HECTD2: variants seen among roughly 807,000 people sequenced by gnomAD.
The protein encoded by HECTD2 is probable E3 ubiquitin-protein ligase HECTD2.
Under a neutral mutation model 103.2 loss-of-function variants are expected in HECTD2, and 35 were observed. The ratio of observed to expected loss-of-function variants is 0.34; its 90% confidence interval spans 0.26 to 0.45. The LOEUF is 0.45. HECTD2 is among the 20% of genes least tolerant of loss of function. The pLI is 1.00. For missense variants in HECTD2, 596 were observed against 937.4 expected (o/e 0.64, Z 4.76); for synonymous variants, 281 against 329.9 (o/e 0.85, Z 1.61).
chr10:91,419,389 A>G (rs552900369), intron 1 of HECTD2, among the ~76,000 whole-genome samples: 9 of 152,090 alleles, frequency 5.9e-5, no homozygotes, highest in Non-Finnish European at 1.2e-4. Context: ...ATATTTAACT[A>G]TATGTTAATA....
chr10:91,464,277 A>G (rs1845453910), intron 5 of HECTD2, among the ~76,000 whole-genome samples: 1 of 152,236 alleles, frequency 6.6e-6, no homozygotes, highest in Non-Finnish European at 1.5e-5. Flanking sequence ...GAGCTGGCCA[A>G]GGATTGGTAA....
intron 20 of HECTD2, among the ~76,000 whole-genome samples, chr10:91,510,375 A>G (rs543091387): frequency 7.2e-5 from 11 of 152,348 alleles, no homozygotes; most frequent in Middle Eastern, 6.8e-3. Flanking sequence ...CTTAAAAGAT[A>G]TACATAATTT....
rs1845338804 is a variant in HECTD2, at chr10:91,461,295, C to A, written c.449C>A (p.Ala150Glu). 1 of 1,554,606 alleles carries A rather than the reference C, an allele frequency of 6.4e-7. No homozygotes were observed. Among genetic ancestry groups the A allele is most frequent in the South Asian group, 1.2e-5 (1 of 82,676 alleles). ...EKVKSSGDWK[A>E]VHDFYLTTFD... ...GTTAAGTCATCAGGAGATTGGAAAG[C>A]AGTACATGATTTTTATCTAACAACG... The change falls in exon 4 of 21, where the codon GCA becomes GAA. Residue 150 changes from alanine to glutamate, a missense_variant. Ala to Glu is a moderately radical substitution (Grantham distance 107, BLOSUM62 -1). Around this residue, in one of 4 missense-constraint regions of HECTD2, gnomAD observed 220 missense variants for 233.9 expected, o/e 0.94. Coordinates refer to ENST00000298068, the MANE Select transcript of HECTD2 (RefSeq NM_182765.6).
At chr10:91,455,427 T>C (rs1425643670) in intron 2 of HECTD2, among the ~76,000 whole-genome samples, 5 of 152,194 alleles carry the variant, frequency 3.3e-5, no homozygotes, top group Non-Finnish European at 5.9e-5. Flanking sequence ...TTGTTTGTTT[T>C]TTTCTTGTAA....
chr10:91,438,725 C>G (rs1844249840), intron 2 of HECTD2, among the ~76,000 whole-genome samples: 1 of 152,170 alleles, frequency 6.6e-6, no homozygotes, highest in African/African-American at 2.4e-5. Flanking sequence ...TTCTCCACAT[C>G]CTCTCCAGCA....
intron 8 of HECTD2, 98 bp from the exon 9 acceptor site, chr10:91,484,407 CTA>C: frequency 6.8e-7 from 1 of 1,466,170 alleles, no homozygotes; most frequent in Non-Finnish European, 9.2e-7. Flanking sequence ...GGGGAATAGT[CTA>C]AAATTTTGTG....
chr10:91,488,497 A>G (rs1461966532), intron 11 of HECTD2: 1 of 152,114 alleles, frequency 6.6e-6, no homozygotes, highest in East Asian at 1.9e-4. Context: ...GTGCTTATGT[A>G]TTTCAAACAT....
At chr10:91,452,680 A>T (rs1844888547) in intron 2 of HECTD2, among the ~76,000 whole-genome samples, 1 of 152,056 alleles carries the variant, frequency 6.6e-6, no homozygotes, top group African/African-American at 2.4e-5. Context: ...AGGACTTTGC[A>T]GAGTCCCTGT....
chr10:91,511,075 T>G (rs1353394510), intron 20 of HECTD2, among the ~76,000 whole-genome samples: 1 of 152,194 alleles, frequency 6.6e-6, no homozygotes, highest in East Asian at 1.9e-4. Context: ...ATTCTAGTAG[T>G]TTTAAGTCTT....
At chr10:91,473,754 A>G (rs1018907038) in intron 5 of HECTD2, among the ~76,000 whole-genome samples, 1 of 152,126 alleles carries the variant, frequency 6.6e-6, no homozygotes, top group African/African-American at 2.4e-5. Flanking sequence ...TCTTTTCTCT[A>G]TTTTATAAGA....
At chr10:91,452,151 C>T (rs2133160593) in intron 2 of HECTD2, among the ~76,000 whole-genome samples, 1 of 152,070 alleles carries the variant, frequency 6.6e-6, no homozygotes, top group African/African-American at 2.4e-5. Flanking sequence ...GATACTATAA[C>T]AAAAGGTGTT....
chr10:91,500,607 T>C lies in HECTD2; in HGVS notation c.2056T>C (p.Leu686=), dbSNP rs375212434. 12 of 1,555,482 alleles carry C rather than the reference T, an allele frequency of 7.7e-6. No individual in the cohort carries two copies. Among genetic ancestry groups the C allele is most frequent in the African/African-American group, 1.4e-5 (1 of 73,528 alleles). Residue 686 remains leucine, a synonymous_variant, in exon 19 of 21, where the codon TTA becomes CTA. Coordinates refer to ENST00000298068, the MANE Select transcript of HECTD2 (RefSeq NM_182765.6). ...TQYDGYAKTD[L]TIKYFWDVVL... is the part of the protein sequence containing the mutation. ...GTATGATGGCTATGCAAAAACGGACTTAACTATAAAGTGAGCTCTTTATAC... is the reference window on the plus strand; with the variant it reads ...GTATGATGGCTATGCAAAAACGGACCTAACTATAAAGTGAGCTCTTTATAC...
chr10:91,470,704 A>G (rs1488389977), intron 5 of HECTD2, among the ~76,000 whole-genome samples: 2 of 152,126 alleles, frequency 1.3e-5, no homozygotes, highest in Non-Finnish European at 2.9e-5. Flanking sequence ...GTTGAACTGA[A>G]AGAGTTCCAT....
At chr10:91,414,630 C>T (rs1249134111) in intron 1 of HECTD2, among the ~76,000 whole-genome samples, 2 of 152,148 alleles carry the variant, frequency 1.3e-5, no homozygotes, top group Non-Finnish European at 2.9e-5. Context: ...TCACTGTGTG[C>T]AGAACTGTGA....
chr10:91,459,688 G>C (rs1845260694), intron 2 of HECTD2, among the ~76,000 whole-genome samples: 1 of 151,982 alleles, frequency 6.6e-6, no homozygotes, highest in Admixed American at 6.6e-5. Context: ...ACTTACAGAG[G>C]ACGTAAGTGC....
intron 13 of HECTD2, 54 bp from the exon 14 acceptor site, chr10:91,493,366 T>C: frequency 1.1e-6 from 1 of 938,148 alleles, no homozygotes; most frequent in Non-Finnish European, 1.6e-6. Context: ...TTTACCACTT[T>C]GATTTTTTTA....
rs975323885 is a variant in HECTD2 at position 91,487,487 on chromosome 10, C to T, written c.1095-195C>T. On this transcript the variant is annotated intron_variant, in intron 10 of 20. Transcript: ENST00000298068. This position sits in a 1 kb window ranked among gnomAD's most constrained non-coding sequence, Gnocchi z 4.1. ...TTCTGCAGAGAATAAAGGCATTGCA[C>T]ATCTAGTAATGATACATTCTTCACA... 3 of 616,056 alleles carry T rather than the reference C, an allele frequency of 4.9e-6. No homozygotes were observed. Among genetic ancestry groups the T allele is most frequent in the Non-Finnish European group, 9.0e-6 (3 of 334,998 alleles). The allele number at this position is 616,056 out of a possible 1,614,324, so 38.2% of individuals were successfully genotyped here. A position where few individuals can be genotyped will look rare whatever the true frequency, so the allele number is the denominator to read the frequency against.
chr10:91,498,067 C>T, intron 15 of HECTD2, 41 bp from the exon 16 acceptor site: 1 of 1,320,502 alleles, frequency 7.6e-7, no homozygotes, highest in South Asian at 1.2e-5. Flanking sequence ...CTAGCTAATG[C>T]TATTCTATTG....
intron 1 of HECTD2, among the ~76,000 whole-genome samples, chr10:91,417,524 C>T (rs1843177538): frequency 6.6e-6 from 1 of 152,072 alleles, no homozygotes; most frequent in Non-Finnish European, 1.5e-5. Flanking sequence ...CTCCCCGCCC[C>T]CCCACAACAG....
Sources: allele counts gnomAD v4.1 joint callset (sites outside exome capture counted in the v4.1 genomes callset), GRCh38; gene constraint gnomAD v4.1.1; regional missense constraint gnomAD v4.1.1; non-coding constraint Gnocchi (gnomAD v3.1); transcripts MANE v1.5; gene names NCBI Gene and HGNC (gene_info 2026-07-23, HGNC 2026-07-21).